Variants in NOTCH2 observed in about 807,000 individuals in gnomAD.
The protein encoded by NOTCH2 is notch receptor 2.
Under a neutral mutation model 235.8 loss-of-function variants are expected in NOTCH2, and 29 were observed. The ratio of observed to expected loss-of-function variants is 0.12; its 90% confidence interval spans 0.09 to 0.17. The LOEUF is 0.17. NOTCH2 is among the 10% of genes least tolerant of loss of function. The pLI, the probability that NOTCH2 is intolerant of heterozygous loss-of-function variation, is 1.00. For synonymous variants in NOTCH2, 1,086 were observed against 1,141.5 expected (o/e 0.95, Z 0.98); for missense variants, 2,285 against 3,150.2 (o/e 0.73, Z 6.57).
intron 14 of NOTCH2, among the ~76,000 whole-genome samples, chr1:119,952,594 A>C (rs1294693603): frequency 6.6e-6 from 1 of 152,178 alleles, no homozygotes; most frequent in Non-Finnish European, 1.5e-5. Context: ...TGAGAATCTA[A>C]GGCCACCACT....
chr1:120,060,367 A>C (rs1356854050), intron 1 of NOTCH2, among the ~76,000 whole-genome samples: 2 of 147,720 alleles, frequency 1.4e-5, no homozygotes, highest in African/African-American at 4.9e-5. Flanking sequence ...AATGGTAAAG[A>C]TTTTTAAAAA....
intron 1 of NOTCH2, among the ~76,000 whole-genome samples, chr1:120,063,332 T>A (rs1403358694): frequency 6.6e-6 from 1 of 151,896 alleles, no homozygotes. Flanking sequence ...ACACCAAATA[T>A]GTGTTCATGA....
chr1:119,952,828 T>C (rs1553197937), intron 14 of NOTCH2, among the ~76,000 whole-genome samples: 1 of 152,254 alleles, frequency 6.6e-6, no homozygotes, highest in Non-Finnish European at 1.5e-5. Context: ...AAAAAGTTTG[T>C]TGAAAGAGTT....
intron 1 of NOTCH2, among the ~76,000 whole-genome samples, chr1:120,042,243 C>T (rs868989912): frequency 1.4e-4 from 13 of 92,030 alleles, no homozygotes; most frequent in South Asian, 4.7e-4. Context: ...TATCTTCCTC[C>T]GAGAGAGGAT....
rs1360756777 is a variant in NOTCH2, at chr1:119,912,793, A to C, written c.*2513T>G. 8.6e-6 allele frequency: 2 copies of C among 233,492 alleles called. No homozygotes were observed. Among genetic ancestry groups the C allele is most frequent in the Non-Finnish European group, 1.7e-5 (2 of 118,016 alleles). The allele number at this position is 233,492 out of a possible 1,614,324, so 14.5% of individuals were successfully genotyped here. ...CCTTTTATTAGATACCACACAATTC[A>C]AGAGTTCTTAAAATCTAAGAGATCA... On this transcript the variant is annotated 3_prime_UTR_variant, in exon 34 of 34. Transcript: ENST00000256646.
chr1:119,923,731 C>A lies in NOTCH2; in HGVS notation c.4765G>T (p.Val1589Leu), dbSNP rs2101158805. The A allele has an allele frequency of 6.2e-7, 1 of 1,614,198 alleles. No individual in the cohort carries two copies. The highest frequency in any genetic ancestry group is 8.5e-7 in the Non-Finnish European group (1 of 1,180,034). Reference protein sequence around the residue: ...IKRDSQGELMVYPYYGEKSAA... With the variant: ...IKRDSQGELMLYPYYGEKSAA... Reference sequence around the variant, plus strand: ...GACTTCTCACCATAATAGGGGTACACCATGAGTTCCCCCTGGGAGTCCCGC... The same window carrying A: ...GACTTCTCACCATAATAGGGGTACAACATGAGTTCCCCCTGGGAGTCCCGC... The change falls in exon 26 of 34, where the codon GTG (valine) becomes TTG (leucine). Residue 1589 changes from valine (V) to leucine (L), a missense_variant. By Grantham distance (32) the Val-to-Leu change is conservative (BLOSUM62 1). Transcript: ENST00000256646.
chr1:119,963,926 A>C, intron 10 of NOTCH2, 119 bp from the exon 11 acceptor site: 1 of 882,748 alleles, frequency 1.1e-6, no homozygotes, highest in Non-Finnish European at 1.9e-6. Context: ...TTAATACTGC[A>C]GGTCTTGAGC....
At chr1:119,927,841 G>A (rs1649526655) in intron 23 of NOTCH2, among the ~76,000 whole-genome samples, 1 of 152,114 alleles carries the variant, frequency 6.6e-6, no homozygotes, top group African/African-American at 2.4e-5. Context: ...TGTATCCAGG[G>A]AGCTTCCATA....
At chr1:119,971,006 T>C (rs587704847) in intron 5 of NOTCH2, among the ~76,000 whole-genome samples, 3 of 152,346 alleles carry the variant, frequency 2.0e-5, no homozygotes, top group South Asian at 2.1e-4. Context: ...AGACCCAGAA[T>C]ACCTAGCAAT....
At chr1:119,931,268 C>T (rs1357357832) in intron 22 of NOTCH2, among the ~76,000 whole-genome samples, 1 of 151,800 alleles carries the variant, frequency 6.6e-6, no homozygotes, top group African/African-American at 2.4e-5. Context: ...TACCTAGGAA[C>T]AATCTTCACA....
chr1:119,986,841 G>A, intron 5 of NOTCH2, 119 bp downstream of exon 5: 1 of 1,298,650 alleles, frequency 7.7e-7, no homozygotes, highest in Non-Finnish European at 1.1e-6. Context: ...ATCCTGCTCA[G>A]TTCACATACT....
intron 7 of NOTCH2, 149 bp downstream of exon 7, chr1:119,967,928 A>G: frequency 2.3e-6 from 2 of 856,250 alleles, no homozygotes; most frequent in Non-Finnish European, 3.8e-6. Context: ...GCTATGCTGA[A>G]AGGTCACTTG....
At chr1:119,948,319 C>T (rs1307646115) in intron 17 of NOTCH2, 95 bp downstream of exon 17, 2 of 1,329,102 alleles carry the variant, frequency 1.5e-6, no homozygotes, top group African/African-American at 2.9e-5. Flanking sequence ...TGCCCAATGT[C>T]AGGCGTGAAA....
intron 6 of NOTCH2, among the ~76,000 whole-genome samples, chr1:119,969,302 T>C (rs1435923293): frequency 2.0e-5 from 3 of 152,208 alleles, no homozygotes; most frequent in Non-Finnish European, 4.4e-5. Context: ...CTAAAGTATG[T>C]AGAGTTGAGA....
At chr1:119,952,127 G>A (rs142752228) in intron 14 of NOTCH2, among the ~76,000 whole-genome samples, 211 of 152,264 alleles carry the variant, frequency 1.4e-3, no homozygotes, top group African/African-American at 3.4e-3. Flanking sequence ...TTACCCACAC[G>A]GCTCTCTTTT....
At chr1:120,003,883 C>T (rs1652858722) in intron 3 of NOTCH2, among the ~76,000 whole-genome samples, 1 of 151,910 alleles carries the variant, frequency 6.6e-6, no homozygotes, top group African/African-American at 2.4e-5. Flanking sequence ...ATAATAAGTA[C>T]AACATTTTCA....
intron 17 of NOTCH2, among the ~76,000 whole-genome samples, chr1:119,944,351 C>G (rs1344866681): frequency 6.6e-6 from 1 of 151,748 alleles, no homozygotes; most frequent in African/African-American, 2.4e-5. Flanking sequence ...CTGGCTAACA[C>G]GGTGAAACCC....
intron 5 of NOTCH2, among the ~76,000 whole-genome samples, chr1:119,981,807 T>A (rs1651823200): frequency 1.3e-5 from 2 of 152,150 alleles, no homozygotes; most frequent in Admixed American, 1.3e-4. Context: ...ACAATCAGGC[T>A]TACAGCAGAA....
chr1:119,963,356 C>T (rs1553199262), intron 11 of NOTCH2, among the ~76,000 whole-genome samples: 1 of 152,184 alleles, frequency 6.6e-6, no homozygotes, highest in Non-Finnish European at 1.5e-5. Flanking sequence ...CAAACACACA[C>T]ACAAAATCAT....
Sources: gnomAD v4.1 joint callset for allele counts (sites outside exome capture counted in the v4.1 genomes callset) on GRCh38, gnomAD v4.1.1 for gene constraint, MANE v1.5 for transcripts, NCBI Gene and HGNC (gene_info 2026-07-23, HGNC 2026-07-21) for gene names.